Variants in GON4L observed in about 807,000 individuals in gnomAD.
GON4L encodes GON-4-like protein.
A neutral mutation model predicts 211.8 loss-of-function variants in GON4L; 87 were observed. The ratio of observed to expected loss-of-function variants is 0.41; its 90% CI spans 0.35 to 0.49. GON4L has a LOEUF of 0.49. Among genes scored for constraint, GON4L ranks in the 20% least tolerant of loss-of-function variants. The pLI is 0.15. For synonymous variants in GON4L, 875 were observed against 962.6 expected, an observed-to-expected ratio of 0.91 and a Z score of 1.68; for missense variants, 2,155 against 2,659.5, an observed-to-expected ratio of 0.81 and a Z score of 4.17.
chr1:155,826,925 A>C lies in GON4L; in HGVS notation c.609T>G (p.Val203=). ...SQPRKSTQPD[V]CASPQEKPLR... is the part of the protein sequence containing the mutation. ...GTGGCTTTTCTTGAGGAGAGGCACA[A>C]ACATCTGGCTGGGTTGATTTCCTGG... Residue 203 remains valine, a synonymous_variant, in exon 3 of 32, where the codon GTT becomes GTG. Transcript: ENST00000368331. 6.2e-7 allele frequency: 1 copy of C among 1,614,012 alleles called. No homozygotes were observed. Among genetic ancestry groups the C allele is most frequent in the Non-Finnish European group, 8.5e-7 (1 of 1,179,874 alleles).
At chr1:155,826,401 C>T (rs1669219961) in intron 3 of GON4L, among the ~76,000 whole-genome samples, 2 of 151,774 alleles carry the variant, frequency 1.3e-5, no homozygotes, top group Non-Finnish European at 2.9e-5. Flanking sequence ...CCTGTCTCTA[C>T]TAAAAATACA....
chr1:155,755,977 T>TA (rs34653577), intron 27 of GON4L, among the ~76,000 whole-genome samples: 12,136 of 125,604 alleles, frequency 0.097, 1,755 homozygotes, highest in African/African-American at 0.32. Flanking sequence ...AAACACGAAT[T>TA]AAAAAAAAAA....
At chr1:155,773,735 T>C (rs1208137562) in intron 17 of GON4L, among the ~76,000 whole-genome samples, 5 of 152,214 alleles carry the variant, frequency 3.3e-5, no homozygotes, top group Admixed American at 6.5e-5. Flanking sequence ...TTCAGTCTCA[T>C]TCATTTCTCT....
chr1:155,802,208 G>C (rs926033185), intron 11 of GON4L, among the ~76,000 whole-genome samples: 15 of 150,942 alleles, frequency 9.9e-5, no homozygotes, highest in Non-Finnish European at 2.1e-4. Flanking sequence ...CTTTGGAAAT[G>C]ACTGGTAGGA....
chr1:155,807,730 A>AC (rs1395575383), intron 10 of GON4L, among the ~76,000 whole-genome samples: 8 of 143,896 alleles, frequency 5.6e-5, no homozygotes, highest in Non-Finnish European at 1.1e-4. Context: ...AAAAAAGAAA[A>AC]TCAGAAAGTG....
chr1:155,831,445 G>A (rs962277021), intron 2 of GON4L: 5 of 146,992 alleles, frequency 3.4e-5, no homozygotes, highest in Non-Finnish European at 7.4e-5. Context: ...GTAAGACTCT[G>A]TCTCGTTAAA....
intron 6 of GON4L, among the ~76,000 whole-genome samples, chr1:155,817,660 T>C (rs1553212742): frequency 2.0e-5 from 3 of 152,156 alleles, no homozygotes; most frequent in South Asian, 4.1e-4. Flanking sequence ...ATGCCTGTAA[T>C]CCCCCCATGT....
In GON4L at chr1:155,843,436, C is replaced by T. The variant is rs555047161; in HGVS notation, c.505+9840G>A. Among the ~76,000 whole-genome samples the T allele has an allele frequency of 1.4e-4, 21 of 152,252 alleles. No individual in the cohort carries two copies. The East Asian group carries it at 3.9e-3, about 28-fold the overall frequency. ...CTAGGCCCCTACTTATAAAACAGCT[C>T]TCTCCCACACTTAACAGATTGACCT... On this transcript the variant is annotated intron_variant, in intron 2 of 31. Coordinates refer to ENST00000368331, the MANE Select transcript of GON4L (RefSeq NM_001282860.2).
At chr1:155,762,146 A>T in intron 23 of GON4L, 44 bp downstream of exon 23, 1 of 1,455,412 alleles carries the variant, frequency 6.9e-7, no homozygotes, top group Non-Finnish European at 9.5e-7. Flanking sequence ...AGAAGCAGCC[A>T]CATTCATAGA....
At position 155,754,449 on chromosome 1, in the gene GON4L, A is replaced by G. The variant is rs1321277173; in HGVS notation, c.5557T>C (p.Ser1853Pro). The G allele has an allele frequency of 5.0e-6, 8 of 1,610,206 alleles. No individual in the cohort carries two copies. The highest frequency in any genetic ancestry group is 5.9e-6 in the Non-Finnish European group (7 of 1,178,160). ...WPDGAKDCAC[S>P]CHEGGPDSKL... ...GAATCTGGACCTCCTTCATGGCAGG[A>G]GCAGGCACAGTCCTTGGCCCCATCT... Residue 1853 changes from serine (S) to proline (P), a missense_variant, in exon 28 of 32, where the codon TCC (serine) becomes CCC (proline). Physicochemically the swap from Ser to Pro is moderately conservative, Grantham distance 74. Around this residue, in one of 6 missense-constraint regions of GON4L, gnomAD observed 455 missense variants for 504.6 expected, o/e 0.90. Transcript: ENST00000368331.
chr1:155,778,286 C>T (rs1026704056), intron 14 of GON4L, among the ~76,000 whole-genome samples: 1 of 152,100 alleles, frequency 6.6e-6, no homozygotes, highest in Non-Finnish European at 1.5e-5. Context: ...CAGTCTCGCT[C>T]TGTCGCCCAG....
At position 155,765,760 on chromosome 1, in the gene GON4L, C is replaced by A; in HGVS notation, c.3713G>T (p.Gly1238Val). ...NVDIACAVAD[G>V]ENAFQGLEPK... ...TTCTAGGCCCTGAAAGGCATTTTCC[C>A]CATCAGCCACAGCACAAGCAATGTC... Residue 1238 changes from glycine (G) to valine (V), a missense_variant, in exon 21 of 32, where the codon GGG becomes GTG. Physicochemically the swap from Gly to Val is moderately radical, Grantham distance 109. Around this residue, in one of 6 missense-constraint regions of GON4L, gnomAD observed 615 missense variants for 625.7 expected, o/e 0.98. Coordinates refer to ENST00000368331, the MANE Select transcript of GON4L (RefSeq NM_001282860.2). 5.0e-6 allele frequency: 8 copies of A among 1,614,178 alleles called. No homozygotes were observed. Among genetic ancestry groups the A allele is most frequent in the Non-Finnish European group, 6.8e-6 (8 of 1,180,022 alleles).
chr1:155,840,694 A>G (rs1314711335), intron 2 of GON4L, among the ~76,000 whole-genome samples: 1 of 152,182 alleles, frequency 6.6e-6, no homozygotes, highest in Non-Finnish European at 1.5e-5. Flanking sequence ...ACCAAACTCA[A>G]GTTAACCAAA....
chr1:155,855,730 C>T (rs907775636), intron 1 of GON4L, among the ~76,000 whole-genome samples: 2 of 152,084 alleles, frequency 1.3e-5, no homozygotes, highest in African/African-American at 4.8e-5. Flanking sequence ...CGCCTGTAAT[C>T]CCAACACTCT....
intron 17 of GON4L, 36 bp from the exon 18 acceptor site, chr1:155,773,246 A>G (rs371207266): frequency 1.2e-6 from 2 of 1,611,620 alleles, no homozygotes; most frequent in Admixed American, 1.7e-5. Flanking sequence ...ATCAACTTCT[A>G]GGACAAAAGA....
At chr1:155,759,654 C>T (rs191438344) in intron 24 of GON4L, among the ~76,000 whole-genome samples, 1 of 151,662 alleles carries the variant, frequency 6.6e-6, no homozygotes, top group East Asian at 1.9e-4. Context: ...ATGGGCATCA[C>T]ACATTATATG....
Position 155,816,279 on chromosome 1 carries a change from T to C in GON4L, c.1015-17A>G, listed in dbSNP as rs1326631951. On this transcript the variant is annotated splice_polypyrimidine_tract_variant and intron_variant, in intron 6 of 31. Transcript: ENST00000368331. ...TGGAATTACCTACCAACAAAGAATATAAATAATTAAGTTATCTTAACTGAA... is the reference window on the plus strand; with the variant it reads ...TGGAATTACCTACCAACAAAGAATACAAATAATTAAGTTATCTTAACTGAA... The C allele has an allele frequency of 2.7e-6, 3 of 1,125,658 alleles. No individual in the cohort carries two copies. Among genetic ancestry groups the C allele is most frequent in the South Asian group, 1.3e-5 (1 of 79,812 alleles). The allele number at this position is 1,125,658 out of a possible 1,614,324, so 69.7% of individuals were successfully genotyped here.
intron 4 of GON4L, 54 bp downstream of exon 4, chr1:155,822,232 G>T: frequency 7.1e-7 from 1 of 1,402,900 alleles, no homozygotes; most frequent in Non-Finnish European, 1.0e-6. Flanking sequence ...ATTTTTATAT[G>T]CTTTCCATGA....
rs141133532 is a variant in GON4L, at chr1:155,825,679, T to C, written c.697+1158A>G. 1.7e-4 allele frequency among the ~76,000 whole-genome samples: 26 copies of C among 151,846 alleles called. No individual in the cohort carries two copies. In the East Asian group the frequency reaches 5.1e-3, roughly 29 times the overall value. On this transcript the variant is annotated intron_variant, in intron 3 of 31. Coordinates refer to ENST00000368331, the MANE Select transcript of GON4L (RefSeq NM_001282860.2). ...TGGGAGGCTGAGGCAAGAGGATCAA[T>C]TGAGCACAGCAGTTTGAGACCAGCC... is the stretch of plus-strand genomic sequence containing the variant.
Sources: allele counts gnomAD v4.1 joint callset (sites outside exome capture counted in the v4.1 genomes callset), GRCh38; gene constraint gnomAD v4.1.1; regional missense constraint gnomAD v4.1.1; transcripts MANE v1.5; gene names NCBI Gene and HGNC (gene_info 2026-07-23, HGNC 2026-07-21).